Variants in SLC25A27 observed in about 807,000 individuals in gnomAD.
SLC25A27 encodes the protein mitochondrial uncoupling protein 4.
In SLC25A27, 35 loss-of-function variants were observed where a neutral mutation model predicts 49.1. The observed-to-expected ratio is 0.71, with a 90% confidence interval of 0.54 to 0.95. The LOEUF (loss-of-function observed/expected upper bound fraction) is 0.95. Among genes scored for constraint, SLC25A27 ranks in the 40% least tolerant of loss-of-function variants. The probability of loss-of-function intolerance (pLI) is 0.00; values close to 1 mark genes in which losing one functional copy is unlikely to be tolerated. For missense variants in SLC25A27, 339 were observed against 397.1 expected (o/e 0.85, Z 1.24); for synonymous variants, 144 against 136.9 (o/e 1.05, Z -0.36).
At chr6:46,675,501 G>A (rs1435989330) in intron 8 of SLC25A27, among the ~76,000 whole-genome samples, 1 of 152,072 alleles carries the variant, frequency 6.6e-6, no homozygotes, top group Non-Finnish European at 1.5e-5. Flanking sequence ...AGCATGCTCA[G>A]TATTTCCAAA....
intron 5 of SLC25A27, among the ~76,000 whole-genome samples, chr6:46,668,261 C>A (rs1562040265): frequency 6.6e-6 from 1 of 152,138 alleles, no homozygotes; most frequent in Non-Finnish European, 1.5e-5. Flanking sequence ...TCACTTGAGC[C>A]CAGGAGGCGG....
At chr6:46,665,644 C>T (rs576320151) in intron 5 of SLC25A27, among the ~76,000 whole-genome samples, 17 of 152,214 alleles carry the variant, frequency 1.1e-4, no homozygotes, top group African/African-American at 4.1e-4. Context: ...TGAGATCGCG[C>T]CACTGTACTC....
intron 1 of SLC25A27, among the ~76,000 whole-genome samples, chr6:46,654,600 A>G (rs1409320632): frequency 6.6e-6 from 1 of 152,224 alleles, no homozygotes; most frequent in African/African-American, 2.4e-5. Flanking sequence ...AAAATGTGGG[A>G]TGGTTTTAAG....
At chr6:46,653,872 C>G in intron 1 of SLC25A27, 2 of 983,602 alleles carry the variant, frequency 2.0e-6, no homozygotes, top group Non-Finnish European at 2.4e-6. Flanking sequence ...CCATTAGTTG[C>G]GACATTTTTA....
At position 46,676,369 on chromosome 6, in the gene SLC25A27, G is replaced by C. The variant is rs1265041346; in HGVS notation, c.901-14G>C. 1.2e-6 allele frequency: 2 copies of C among 1,612,012 alleles called. No homozygotes were observed. The highest frequency in any genetic ancestry group is 1.7e-6 in the Non-Finnish European group (2 of 1,178,606). On this transcript the variant is annotated splice_polypyrimidine_tract_variant and intron_variant, in intron 8 of 8. Transcript: ENST00000371347. ...CTTTGAAATATGCACTAACTTCTTT[G>C]GTTAATCTTTCAGACCCCTTGGTCA... is the stretch of plus-strand genomic sequence containing the variant.
chr6:46,677,007 A>G lies in SLC25A27; in HGVS notation c.*553A>G. 1 of 286,298 alleles carries G rather than the reference A, an allele frequency of 3.5e-6. No individual in the cohort carries two copies. The highest frequency in any genetic ancestry group is 6.6e-5 in the East Asian group (1 of 15,234). 17.7% of individuals were successfully genotyped at this position (286,298 alleles called of 1,614,324 possible). On this transcript the variant is annotated 3_prime_UTR_variant, in exon 9 of 9. Transcript: ENST00000371347. ...ATGAATAAACATTTTGAGTTTCCCT[A>G]GTGTTGAAGGAAGGTGTACTTTTTC...
In SLC25A27 at chr6:46,655,932, G is replaced by C; in HGVS notation, c.196G>C (p.Ala66Pro). Residue 66 changes from alanine to proline, a missense_variant, in exon 2 of 9, where the codon GCC becomes CCC. Ala to Pro is a conservative substitution (Grantham distance 27). Coordinates refer to ENST00000371347, the MANE Select transcript of SLC25A27 (RefSeq NM_004277.5). ...ARLGDGARES[A>P]PYRGMVRTAL... ...GTTGGGAGACGGTGCAAGAGAATCT[G>C]CCCCCTATAGGGGAATGGTGCGCAC... 6.2e-7 allele frequency: 1 copy of C among 1,613,808 alleles called. No individual in the cohort carries two copies. Among genetic ancestry groups the C allele is most frequent in the African/African-American group, 1.3e-5 (1 of 74,970 alleles).
chr6:46,668,266 A>G (rs1244699424), intron 5 of SLC25A27, among the ~76,000 whole-genome samples: 1 of 152,204 alleles, frequency 6.6e-6, no homozygotes, highest in Non-Finnish European at 1.5e-5. Flanking sequence ...TGAGCCCAGG[A>G]GGCGGAGGTT....
At chr6:46,666,504 T>C (rs560421444) in intron 5 of SLC25A27, among the ~76,000 whole-genome samples, 2 of 152,316 alleles carry the variant, frequency 1.3e-5, no homozygotes, top group South Asian at 4.1e-4. Context: ...AGGAAGTCAA[T>C]CTGTTTTCAG....
chr6:46,675,123 A>C (rs1763719033), intron 8 of SLC25A27, among the ~76,000 whole-genome samples: 1 of 151,630 alleles, frequency 6.6e-6, no homozygotes. Flanking sequence ...CTCTTTAAAA[A>C]CTCTATTCAA....
chr6:46,661,744 C>T (rs758404339), intron 3 of SLC25A27, among the ~76,000 whole-genome samples: 8 of 152,144 alleles, frequency 5.3e-5, no homozygotes, highest in Non-Finnish European at 1.2e-4. Context: ...AATGACAGCA[C>T]TGTCATGAGG....
Position 46,676,524 on chromosome 6 carries a change from AC to A in SLC25A27, c.*75del. On this transcript the variant is annotated 3_prime_UTR_variant, in exon 9 of 9. Coordinates refer to ENST00000371347, the MANE Select transcript of SLC25A27 (RefSeq NM_004277.5). ...TGAAATATGGGCATCTGCAACACAT[AC>A]CCCCTATTATTTCTACCTCTTTAGG... 6.2e-7 allele frequency: 1 copy of A among 1,610,774 alleles called. No homozygotes were observed. The highest frequency in any genetic ancestry group is 8.5e-7 in the Non-Finnish European group (1 of 1,177,994).
chr6:46,665,651 A>C (rs1053648846), intron 5 of SLC25A27, among the ~76,000 whole-genome samples: 1 of 151,642 alleles, frequency 6.6e-6, no homozygotes, highest in Non-Finnish European at 1.5e-5. Context: ...GCGCCACTGT[A>C]CTCTAGACTG....
In SLC25A27 at chr6:46,677,650, C is replaced by T. The variant is rs1159391723; in HGVS notation, c.*1196C>T. On this transcript the variant is annotated 3_prime_UTR_variant, in exon 9 of 9. Coordinates refer to ENST00000371347, the MANE Select transcript of SLC25A27 (RefSeq NM_004277.5). ...TTCAAATTCAGCTACATACCACCGG[C>T]TCTCCCAACCTCAGACGGTGGGCAT... The T allele has an allele frequency of 6.6e-6, 1 of 152,282 alleles. No homozygotes were observed. Among genetic ancestry groups the T allele is most frequent in the African/African-American group, 2.4e-5 (1 of 41,428 alleles). 9.4% of individuals were successfully genotyped at this position (152,282 alleles called of 1,614,324 possible). A position where few individuals can be genotyped will look rare whatever the true frequency, so the allele number is the denominator to read the frequency against.
Position 46,665,353 on chromosome 6 carries a change from A to G in SLC25A27, c.619+467A>G, listed in dbSNP as rs1306796542. Among the ~76,000 whole-genome samples the G allele has an allele frequency of 2.0e-5, 3 of 152,006 alleles. No homozygotes were observed. In the East Asian group the frequency reaches 5.8e-4, roughly 29 times the overall value. ...CTCATCCCTACCCCTCACTTCTCAT[A>G]TTCACATACCAATTCTGTCTCCCAA... On this transcript the variant is annotated intron_variant, in intron 5 of 8. Coordinates refer to ENST00000371347, the MANE Select transcript of SLC25A27 (RefSeq NM_004277.5).
intron 8 of SLC25A27, among the ~76,000 whole-genome samples, chr6:46,675,781 C>A (rs1763758437): frequency 1.3e-5 from 2 of 152,060 alleles, no homozygotes; most frequent in Admixed American, 6.6e-5. Context: ...TTAGATGTAG[C>A]CATACCTTCA....
rs1763860534 is a variant in SLC25A27 at position 46,678,030 on chromosome 6, T to TTTTATATATATATATATATA, written c.*1577_*1578insTTATATATATATATATATAT. On this transcript the variant is annotated 3_prime_UTR_variant, in exon 9 of 9. Transcript: ENST00000371347. The stretch of plus-strand genomic sequence containing the variant: ...CAATATGTAATTGCGTTGTAAAATA[T>TTTTATATATATATATATATA]TATATATATATATATATATATATAT... The TTTTATATATATATATATATA allele has an allele frequency of 2.0e-5, 2 of 100,630 alleles. No individual in the cohort carries two copies. Among genetic ancestry groups the TTTTATATATATATATATATA allele is most frequent in the African/African-American group, 7.9e-5 (2 of 25,238 alleles). 6.2% of individuals were successfully genotyped at this position (100,630 alleles called of 1,614,324 possible).
At chr6:46,665,827 C>T (rs545866958) in intron 5 of SLC25A27, among the ~76,000 whole-genome samples, 2 of 152,308 alleles carry the variant, frequency 1.3e-5, no homozygotes, top group East Asian at 3.9e-4. Flanking sequence ...CTTCCATCCT[C>T]AAATGTGTAC....
intron 8 of SLC25A27, among the ~76,000 whole-genome samples, chr6:46,674,176 A>G (rs1763665995): frequency 6.6e-6 from 1 of 151,686 alleles, no homozygotes; most frequent in Non-Finnish European, 1.5e-5. Context: ...TATACATATG[A>G]CTCAGGAAGT....
Sources: gnomAD v4.1 joint callset for allele counts (sites outside exome capture counted in the v4.1 genomes callset) on GRCh38, gnomAD v4.1.1 for gene constraint, MANE v1.5 for transcripts, NCBI Gene and HGNC (gene_info 2026-07-23, HGNC 2026-07-21) for gene names.